The following PAX7 variants were observed in gnomAD, a reference collection of about 807,000 sequenced individuals.
PAX7 encodes paired box 7, also known as paired box protein Pax-7.
A neutral mutation model predicts 50.7 loss-of-function variants in PAX7; 18 were observed. That is an observed-to-expected ratio of 0.36 (90% confidence interval 0.25 to 0.53). PAX7 has a LOEUF of 0.53. Among genes scored for constraint, PAX7 ranks in the 20% least tolerant of loss-of-function variants. The pLI is 0.93. For synonymous variants in PAX7, 310 were observed against 290.4 expected (o/e 1.07, Z -0.69); for missense variants, 644 against 702.9 (o/e 0.92, Z 0.95).
chr1:18,637,563 G>A (rs1295031428), intron 4 of PAX7, among the ~76,000 whole-genome samples: 1 of 152,198 alleles, frequency 6.6e-6, no homozygotes, highest in African/African-American at 2.4e-5. Context: ...GTTTCTCCCA[G>A]CACCCCTCTC....
At chr1:18,644,907 A>G (rs1175905960) in intron 4 of PAX7, among the ~76,000 whole-genome samples, 2 of 152,110 alleles carry the variant, frequency 1.3e-5, no homozygotes, top group Admixed American at 6.5e-5. Flanking sequence ...TTCTGCAAAA[A>G]TTTTTGGAGC....
chr1:18,736,098 C>G, intron 8 of PAX7: 1 of 744,562 alleles, frequency 1.3e-6, no homozygotes, highest in Non-Finnish European at 2.3e-6. Context: ...TGCTTCCGTA[C>G]TATGGCTCCA....
In PAX7 at chr1:18,700,783, C is replaced by A. The variant is rs748155378; in HGVS notation, c.917C>A (p.Pro306Gln). 1.3e-6 allele frequency: 2 copies of A among 1,575,268 alleles called. No homozygotes were observed. Among genetic ancestry groups the A allele is most frequent in the Admixed American group, 3.6e-5 (2 of 55,294 alleles). The change falls in exon 6 of 9, where the codon CCG (proline) becomes CAG (glutamine). Residue 306 changes from proline (P) to glutamine (Q), a missense_variant. Coordinates refer to ENST00000420770, the MANE Select transcript of PAX7 (RefSeq NM_001135254.2). The surrounding 1 kb of genome is among the most constrained non-coding windows in gnomAD (Gnocchi z 4.8). ...GMPTLPPYQL[P>Q]DSTYPTTTIS... ...CCCACGCTGCCCCCCTACCAGCTGC[C>A]GGACTCCACCTACCCCACCACCACC...
At chr1:18,648,557 G>C (rs2100451737) in intron 4 of PAX7, among the ~76,000 whole-genome samples, 1 of 152,112 alleles carries the variant, frequency 6.6e-6, no homozygotes, top group Non-Finnish European at 1.5e-5. Flanking sequence ...TGCCTGGGCT[G>C]TTCTGGAACT....
In PAX7 at chr1:18,735,981, G is replaced by A. The variant is rs985529891; in HGVS notation, c.1402+103G>A. 1 of 1,613,258 alleles carries A rather than the reference G, an allele frequency of 6.2e-7. No individual in the cohort carries two copies. Among genetic ancestry groups the A allele is most frequent in the Non-Finnish European group, 8.5e-7 (1 of 1,179,602 alleles). On this transcript the variant is annotated intron_variant, in intron 8 of 8. Coordinates refer to ENST00000420770, the MANE Select transcript of PAX7 (RefSeq NM_001135254.2). The surrounding 1 kb of genome is among the most constrained non-coding windows in gnomAD (Gnocchi z 4.0). ...AGCTACAAGGTGGTGTCAGGGTGGG[G>A]AATGTCCATTTCACAGATGGAAAAA...
intron 4 of PAX7, among the ~76,000 whole-genome samples, chr1:18,644,132 G>A (rs2088303176): frequency 6.6e-6 from 1 of 152,228 alleles, no homozygotes; most frequent in Admixed American, 6.5e-5. Context: ...CGAGTAATGG[G>A]GAGGCAACCC....
intron 8 of PAX7, among the ~76,000 whole-genome samples, chr1:18,737,527 C>T (rs1930825165): frequency 6.6e-6 from 1 of 152,238 alleles, no homozygotes; most frequent in Non-Finnish European, 1.5e-5. Flanking sequence ...GGACATGTTA[C>T]AATTCTTGTG....
chr1:18,654,747 A>G (rs2088487158), intron 4 of PAX7, among the ~76,000 whole-genome samples: 1 of 152,278 alleles, frequency 6.6e-6, no homozygotes, highest in Non-Finnish European at 1.5e-5. Context: ...CATGAGCTAG[A>G]CACAGCTCCT....
intron 7 of PAX7, among the ~76,000 whole-genome samples, chr1:18,707,476 G>A (rs139419053): frequency 3.4e-4 from 48 of 139,786 alleles, no homozygotes; most frequent in Middle Eastern, 7.9e-3. Context: ...CTGGAGTGCA[G>A]TGGCGCGATC....
intron 7 of PAX7, among the ~76,000 whole-genome samples, chr1:18,719,027 A>C (rs2089463308): frequency 6.6e-6 from 1 of 152,206 alleles, no homozygotes; most frequent in South Asian, 2.1e-4. Context: ...TCAGAGCTAG[A>C]AGGCACCTAG....
intron 4 of PAX7, among the ~76,000 whole-genome samples, chr1:18,643,317 G>A (rs1005004109): frequency 2.0e-5 from 3 of 152,288 alleles, no homozygotes; most frequent in African/African-American, 7.2e-5. Flanking sequence ...TGGTCGCCCT[G>A]GTCCTGGAGG....
chr1:18,678,236 AC>A (rs1425724919), intron 4 of PAX7, among the ~76,000 whole-genome samples: 1 of 151,976 alleles, frequency 6.6e-6, no homozygotes. Flanking sequence ...ACATGGAGAA[AC>A]CCTGTTTCTA....
chr1:18,699,338 G>A (rs2089187209), intron 5 of PAX7, among the ~76,000 whole-genome samples: 1 of 152,134 alleles, frequency 6.6e-6, no homozygotes, highest in Non-Finnish European at 1.5e-5. Context: ...CTTAGATGCG[G>A]CAATTAAGGA....
intron 4 of PAX7, among the ~76,000 whole-genome samples, chr1:18,671,835 G>A (rs1031205494): frequency 1.3e-5 from 2 of 151,950 alleles, no homozygotes; most frequent in African/African-American, 2.4e-5. Context: ...AAATGAGCCA[G>A]GCATGGTGGT....
chr1:18,631,804 T>A (rs1406188122), intron 1 of PAX7, 116 bp downstream of exon 1: 1 of 840,066 alleles, frequency 1.2e-6, no homozygotes, highest in Non-Finnish European at 1.9e-6. Context: ...AGGGATCCCG[T>A]TCTCTTCTGG....
rs139422917 is a variant in PAX7, at chr1:18,636,221, C to T, written c.452-16C>T. The T allele has an allele frequency of 9.9e-6, 16 of 1,612,960 alleles. No individual in the cohort carries two copies. The African/African-American group carries it at 1.7e-4, about 17-fold the overall frequency. ...CCAACAACTTATACTTGCTCTTTTG[C>T]CTTTGAATTTCTGAGGTTTAGTGAG... On this transcript the variant is annotated splice_polypyrimidine_tract_variant and intron_variant, in intron 3 of 8. Transcript: ENST00000420770. This position sits in a 1 kb window ranked among gnomAD's most constrained non-coding sequence, Gnocchi z 5.1.
intron 7 of PAX7, among the ~76,000 whole-genome samples, chr1:18,716,296 C>CT (rs2089419139): frequency 6.6e-6 from 1 of 152,164 alleles, no homozygotes; most frequent in Non-Finnish European, 1.5e-5. Context: ...GGCCTTGTCA[C>CT]TCCCCCACTC....
At chr1:18,712,301 G>A (rs985073176) in intron 7 of PAX7, among the ~76,000 whole-genome samples, 32 of 151,530 alleles carry the variant, frequency 2.1e-4, no homozygotes, top group African/African-American at 6.9e-4. Flanking sequence ...AGTGGGAAAC[G>A]CTCAGTTATT....
chr1:18,639,911 T>C (rs1051375829), intron 4 of PAX7, among the ~76,000 whole-genome samples: 1 of 147,754 alleles, frequency 6.8e-6, no homozygotes, highest in Non-Finnish European at 1.5e-5. Context: ...TTACAATTAA[T>C]ATGAAATATA....
Sources: gnomAD v4.1 joint callset for allele counts (sites outside exome capture counted in the v4.1 genomes callset) on GRCh38, gnomAD v4.1.1 for gene constraint, Gnocchi (gnomAD v3.1) non-coding constraint, MANE v1.5 for transcripts, NCBI Gene and HGNC (gene_info 2026-07-23, HGNC 2026-07-21) for gene names.